USH2A: variants seen among roughly 807,000 people sequenced by gnomAD.
USH2A encodes the protein usherin, also known as Usher syndrome 2A (autosomal recessive, mild).
USH2A carries 443 observed loss-of-function variants against 538.9 expected under a neutral mutation model. That is an observed-to-expected ratio of 0.82 (90% CI 0.76 to 0.89). USH2A has a LOEUF of 0.89. Ranked by LOEUF, USH2A falls within the 40% of genes least tolerant of loss-of-function variation. The probability of loss-of-function intolerance (pLI) is 0.00; values close to 1 mark genes in which losing one functional copy is unlikely to be tolerated. For missense variants in USH2A, 6,633 were observed against 6,324.8 expected, an observed-to-expected ratio of 1.05 and a Z score of -1.65; for synonymous variants, 2,413 against 2,273.5, an observed-to-expected ratio of 1.06 and a Z score of -1.75.
intron 56 of USH2A, among the ~76,000 whole-genome samples, chr1:215,760,564 A>G (rs1306134364): frequency 1.3e-5 from 2 of 152,162 alleles, no homozygotes; most frequent in Non-Finnish European, 2.9e-5. Flanking sequence ...TGACACCTCC[A>G]TTTGGATGAC....
chr1:215,890,397 G>C (rs994569884), intron 40 of USH2A, among the ~76,000 whole-genome samples: 1 of 152,130 alleles, frequency 6.6e-6, no homozygotes, highest in African/African-American at 2.4e-5. Flanking sequence ...ATAATAGTTG[G>C]TTATATGAGT....
intron 9 of USH2A, among the ~76,000 whole-genome samples, chr1:216,301,552 C>T (rs2102623077): frequency 6.6e-6 from 1 of 152,206 alleles, no homozygotes; most frequent in African/African-American, 2.4e-5. Context: ...CTGGCTCAGT[C>T]CATCTTTACT....
intron 15 of USH2A, among the ~76,000 whole-genome samples, chr1:216,214,649 A>G (rs916594737): frequency 6.6e-6 from 1 of 152,060 alleles, no homozygotes; most frequent in Non-Finnish European, 1.5e-5. Context: ...TAAATTTACT[A>G]AAATCCATCA....
At chr1:215,812,803 T>G (rs1662732780) in intron 49 of USH2A, among the ~76,000 whole-genome samples, 1 of 152,218 alleles carries the variant, frequency 6.6e-6, no homozygotes, top group African/African-American at 2.4e-5. Context: ...AGTTTAGAAG[T>G]CTTAAATAGT....
At chr1:216,241,040 T>C (rs972392121) in intron 13 of USH2A, among the ~76,000 whole-genome samples, 2 of 152,114 alleles carry the variant, frequency 1.3e-5, no homozygotes, top group African/African-American at 4.8e-5. Context: ...AGACAAATTT[T>C]TTGAGCAAAG....
intron 14 of USH2A, among the ~76,000 whole-genome samples, chr1:216,223,561 C>T (rs573026245): frequency 5.9e-5 from 9 of 152,158 alleles, no homozygotes; most frequent in African/African-American, 1.4e-4. Context: ...CCTGACGGTT[C>T]GGGCCTCAAG....
intron 21 of USH2A, among the ~76,000 whole-genome samples, chr1:216,131,891 T>C (rs2033383966): frequency 6.6e-6 from 1 of 152,144 alleles, no homozygotes. Context: ...GCTTTATACA[T>C]ATTAATTTTC....
rs748810737 is a variant in USH2A at position 215,844,293 on chromosome 1, C to T, written c.9258+1G>A. ...TAACCATCAAAAAACAATGTTCTAACCTGAATGTCATAGATAGTGAAGGGA... is the reference window on the plus strand; with the variant it reads ...TAACCATCAAAAAACAATGTTCTAATCTGAATGTCATAGATAGTGAAGGGA... On this transcript the variant is annotated splice_donor_variant, in intron 46 of 71. Transcript: ENST00000307340. LOFTEE classifies it high-confidence loss of function. 3.1e-6 allele frequency: 5 copies of T among 1,613,258 alleles called. No individual in the cohort carries two copies. The highest frequency in any genetic ancestry group is 4.2e-6 in the Non-Finnish European group (5 of 1,179,686).
chr1:215,827,202 T>C (rs769656132), intron 47 of USH2A, among the ~76,000 whole-genome samples: 27 of 152,134 alleles, frequency 1.8e-4, no homozygotes, highest in Non-Finnish European at 2.2e-4. Context: ...GGAGTCTTTT[T>C]CCTGAGGACA....
rs11370265 is a variant in USH2A, at chr1:216,343,525, T to TAAA, written c.785-15874_785-15872dup. On this transcript the variant is annotated intron_variant, in intron 4 of 71. Transcript: ENST00000307340. Reference sequence around the variant, plus strand: ...TGGGCGACAAAGCAATACTACATCTTAAAAAAAAAAAAAAAAGACAGTATT... The same window carrying TAAA: ...TGGGCGACAAAGCAATACTACATCTTAAAAAAAAAAAAAAAAAAAGACAGTATT... Among the ~76,000 whole-genome samples, 50 of 135,374 alleles carry TAAA rather than the reference T, an allele frequency of 3.7e-4. No individual in the cohort carries two copies. In the South Asian group the frequency reaches 7.6e-3, roughly 21 times the overall value. The allele number at this position is 135,374 out of a possible 152,430, so 88.8% of individuals were successfully genotyped here.
chr1:216,058,645 T>A (rs1251899781), intron 30 of USH2A, among the ~76,000 whole-genome samples: 1 of 127,200 alleles, frequency 7.9e-6, no homozygotes, highest in Non-Finnish European at 1.7e-5. Flanking sequence ...AAATGTGTAT[T>A]AAGTTCCAAA....
intron 11 of USH2A, among the ~76,000 whole-genome samples, chr1:216,287,134 C>T (rs1420660591): frequency 6.6e-6 from 1 of 152,118 alleles, no homozygotes; most frequent in Non-Finnish European, 1.5e-5. Context: ...GGATGCAATG[C>T]TGGTTCAACA....
chr1:216,229,895 G>T (rs150818482), intron 14 of USH2A, among the ~76,000 whole-genome samples: 1 of 152,104 alleles, frequency 6.6e-6, no homozygotes, highest in Non-Finnish European at 1.5e-5. Context: ...GCTCAGCCAC[G>T]AATTTAAGAA....
chr1:215,819,221 T>C (rs1662941727), intron 47 of USH2A, among the ~76,000 whole-genome samples: 3 of 151,814 alleles, frequency 2.0e-5, no homozygotes, highest in Admixed American at 2.0e-4. Context: ...GATGCTTTTT[T>C]GCTATCGTGT....
Position 216,110,092 on chromosome 1 carries a change from G to A in USH2A, c.4628-12879C>T, listed in dbSNP as rs527953355. ...TTCTCTTTCTAGCTTTCAATAACAA[G>A]GTTAACAATTTTTTACTTTAGAAGC... is the stretch of plus-strand genomic sequence containing the variant. On this transcript the variant is annotated intron_variant, in intron 21 of 71. Coordinates refer to ENST00000307340, the MANE Select transcript of USH2A (RefSeq NM_206933.4). 3.9e-5 allele frequency among the ~76,000 whole-genome samples: 6 copies of A among 152,166 alleles called. No individual in the cohort carries two copies. The East Asian group carries it at 1.2e-3, about 29-fold the overall frequency.
At position 215,754,103 on chromosome 1, in the gene USH2A, C is replaced by T. The variant is rs139845485; in HGVS notation, c.11389+4492G>A. Among the ~76,000 whole-genome samples the T allele has an allele frequency of 9.9e-5, 15 of 152,264 alleles. No homozygotes were observed. In the East Asian group the frequency reaches 2.9e-3, roughly 29 times the overall value. On this transcript the variant is annotated intron_variant, in intron 58 of 71. Coordinates refer to ENST00000307340, the MANE Select transcript of USH2A (RefSeq NM_206933.4). ...TATTACTTTTTTGAGATTCGAATTT[C>T]TTATCTTAAGATGGGGATAATGATA...
At chr1:216,249,475 T>C (rs1572090966) in intron 12 of USH2A, among the ~76,000 whole-genome samples, 1 of 152,170 alleles carries the variant, frequency 6.6e-6, no homozygotes, top group Admixed American at 6.5e-5. Context: ...AAAATATATC[T>C]CACATTAAAG....
chr1:215,835,582 T>C lies in USH2A; in HGVS notation c.9371+2409A>G, dbSNP rs1327395399. ...ATGTGGAGGAAGAGAAATAGACCCC[T>C]GGATGCACAGCAAAGATGCAAGAGA... On this transcript the variant is annotated intron_variant, in intron 47 of 71. Transcript: ENST00000307340. 3.3e-5 allele frequency among the ~76,000 whole-genome samples: 5 copies of C among 152,134 alleles called. No individual in the cohort carries two copies. In the East Asian group the frequency reaches 9.6e-4, roughly 29 times the overall value.
intron 21 of USH2A, among the ~76,000 whole-genome samples, chr1:216,130,087 C>T (rs1158670413): frequency 6.6e-6 from 1 of 151,948 alleles, no homozygotes; most frequent in Non-Finnish European, 1.5e-5. Context: ...AAATGTAAGA[C>T]CAGAAAGTAT....
Sources: gnomAD v4.1 joint callset for allele counts (sites outside exome capture counted in the v4.1 genomes callset) on GRCh38, gnomAD v4.1.1 for gene constraint, MANE v1.5 for transcripts, NCBI Gene and HGNC (gene_info 2026-07-23, HGNC 2026-07-21) for gene names.